Variants in DERA observed in about 807,000 individuals in gnomAD.
The protein encoded by DERA is 2-deoxy-D-ribose 5-phosphate aldolase.
DERA carries 15 observed loss-of-function variants against 41.1 expected under a neutral mutation model. The ratio of observed to expected loss-of-function variants is 0.37; its 90% CI spans 0.24 to 0.56. The LOEUF is 0.56. Among genes scored for constraint, DERA ranks in the 20% least tolerant of loss-of-function variants. The pLI is 0.81. For synonymous variants in DERA, 139 were observed against 137.4 expected (o/e 1.01, Z -0.08); for missense variants, 396 against 403.4 (o/e 0.98, Z 0.16).
intron 7 of DERA, 88 bp downstream of exon 7, chr12:16,032,742 G>T (rs1197939920): frequency 2.4e-6 from 2 of 818,174 alleles, no homozygotes; most frequent in Non-Finnish European, 4.0e-6. Context: ...TCTTTATATG[G>T]AGAAGTTGTG....
In DERA at chr12:16,010,505, T is replaced by G. The variant is rs764525686; in HGVS notation, c.638-22037T>G. ...TTCCCCTTTGCCAGCATATACTGCT[T>G]TTGTTGAGGAATCAAGGTCTCCGGT... On this transcript the variant is annotated intron_variant, in intron 6 of 8. Coordinates refer to ENST00000428559, the MANE Select transcript of DERA (RefSeq NM_015954.4). This position sits in a 1 kb window ranked among gnomAD's most constrained non-coding sequence, Gnocchi z 5.5. 1.3e-5 allele frequency among the ~76,000 whole-genome samples: 2 copies of G among 151,918 alleles called. No individual in the cohort carries two copies. Among genetic ancestry groups the G allele is most frequent in the Non-Finnish European group, 2.9e-5 (2 of 67,986 alleles).
In DERA at chr12:16,010,641, T is replaced by C. The variant is rs1190371803; in HGVS notation, c.638-21901T>C. Among the ~76,000 whole-genome samples the C allele has an allele frequency of 6.6e-6, 1 of 152,024 alleles. No individual in the cohort carries two copies. Among genetic ancestry groups the C allele is most frequent in the Non-Finnish European group, 1.5e-5 (1 of 68,004 alleles). On this transcript the variant is annotated intron_variant, in intron 6 of 8. Coordinates refer to ENST00000428559, the MANE Select transcript of DERA (RefSeq NM_015954.4). This position sits in a 1 kb window ranked among gnomAD's most constrained non-coding sequence, Gnocchi z 5.5. The stretch of plus-strand genomic sequence containing the variant: ...TATGAACAGAAGGAGAGAGGCTGCA[T>C]TGTCTCTATAAGTGGTTAGTAAGTG...
At position 16,004,359 on chromosome 12, in the gene DERA, G is replaced by GA. The variant is rs1948895750; in HGVS notation, c.637+21928dup. Among the ~76,000 whole-genome samples the GA allele has an allele frequency of 2.0e-5, 3 of 146,912 alleles. No individual in the cohort carries two copies. In the East Asian group the frequency reaches 6.0e-4, roughly 29 times the overall value. On this transcript the variant is annotated intron_variant, in intron 6 of 8. Transcript: ENST00000428559. This position sits in a 1 kb window ranked among gnomAD's most constrained non-coding sequence, Gnocchi z 4.2. ...AAAGGAACCACTGCAGAAAAGAAAA[G>GA]AAAAACCCAACTCCTCCTTAACAAT... is the stretch of plus-strand genomic sequence containing the variant.
chr12:15,972,615 G>A lies in DERA; in HGVS notation c.508+9668G>A, dbSNP rs1403797891. ...ATGATGTGTCCCAGGGGCATTTCAC[G>A]CATAGTGCAGAAGTCGGGGACCTCC... On this transcript the variant is annotated intron_variant, in intron 5 of 8. Coordinates refer to ENST00000428559, the MANE Select transcript of DERA (RefSeq NM_015954.4). This position sits in a 1 kb window ranked among gnomAD's most constrained non-coding sequence, Gnocchi z 4.4. 2.2e-5 allele frequency: 4 copies of A among 180,324 alleles called. No homozygotes were observed. Among genetic ancestry groups the A allele is most frequent in the Admixed American group, 1.1e-4 (2 of 18,418 alleles). 11.2% of individuals were successfully genotyped at this position (180,324 alleles called of 1,614,324 possible).
At chr12:15,948,077 T>C (rs536434458) in intron 1 of DERA, among the ~76,000 whole-genome samples, 1 of 152,362 alleles carries the variant, frequency 6.6e-6, no homozygotes, top group South Asian at 2.1e-4. Context: ...GATCAACTGT[T>C]TGTCTGATGG....
Position 15,998,025 on chromosome 12 carries a change from G to C in DERA, c.637+15589G>C, listed in dbSNP as rs1274600717. Among the ~76,000 whole-genome samples the C allele has an allele frequency of 6.6e-6, 1 of 152,184 alleles. No individual in the cohort carries two copies. The highest frequency in any genetic ancestry group is 1.5e-5 in the Non-Finnish European group (1 of 68,036). ...AGATCCAGAAAGGTCAAATTCATAA[G>C]AAATTTGCCCGAGGACAAATAACTA... On this transcript the variant is annotated intron_variant, in intron 6 of 8. Coordinates refer to ENST00000428559, the MANE Select transcript of DERA (RefSeq NM_015954.4). This position sits in a 1 kb window ranked among gnomAD's most constrained non-coding sequence, Gnocchi z 4.8.
chr12:16,007,694 G>A (rs1187831360), intron 6 of DERA, among the ~76,000 whole-genome samples: 2 of 152,102 alleles, frequency 1.3e-5, no homozygotes, highest in African/African-American at 2.4e-5. Context: ...ATGAAGGGCA[G>A]GCACATAGAA....
chr12:15,930,326 A>G (rs1312899004), intron 1 of DERA, among the ~76,000 whole-genome samples: 2 of 152,180 alleles, frequency 1.3e-5, no homozygotes, highest in African/African-American at 2.4e-5. Flanking sequence ...CACGTATTCA[A>G]TACCTTTATG....
At chr12:15,944,617 T>A (rs1948433140) in intron 1 of DERA, among the ~76,000 whole-genome samples, 1 of 152,242 alleles carries the variant, frequency 6.6e-6, no homozygotes, top group Non-Finnish European at 1.5e-5. Context: ...TCTTTGTATA[T>A]TCTGGATATT....
chr12:16,002,458 CCTTT>C (rs1948882112), intron 6 of DERA, among the ~76,000 whole-genome samples: 1 of 151,766 alleles, frequency 6.6e-6, no homozygotes, highest in Non-Finnish European at 1.5e-5. Flanking sequence ...CTTTTTCTCT[CCTTT>C]CTTTTTTTAA....
At chr12:15,955,690 T>G (rs550522070) in intron 1 of DERA, among the ~76,000 whole-genome samples, 8 of 152,334 alleles carry the variant, frequency 5.3e-5, no homozygotes, top group African/African-American at 1.9e-4. Flanking sequence ...CCTTGCAATC[T>G]CTATACCTTT....
chr12:16,034,105 C>T (rs575685815), intron 7 of DERA, among the ~76,000 whole-genome samples: 10 of 152,296 alleles, frequency 6.6e-5, no homozygotes, highest in African/African-American at 2.2e-4. Flanking sequence ...CTTACAGATG[C>T]CTGGGCCCCC....
At chr12:15,917,215 A>G (rs981074764) in intron 1 of DERA, among the ~76,000 whole-genome samples, 3 of 152,202 alleles carry the variant, frequency 2.0e-5, no homozygotes, top group Non-Finnish European at 4.4e-5. Flanking sequence ...AAACAAAAAC[A>G]AAAAACTAAA....
chr12:15,964,300 T>C (rs1948608299), intron 5 of DERA, among the ~76,000 whole-genome samples: 1 of 152,122 alleles, frequency 6.6e-6, no homozygotes, highest in East Asian at 1.9e-4. Context: ...AGCTGGAAAA[T>C]AGAGTTTTTA....
chr12:15,911,688 T>C lies in DERA; in HGVS notation c.31+274T>C, dbSNP rs1179462156. 7.4e-6 allele frequency: 5 copies of C among 672,816 alleles called. No individual in the cohort carries two copies. The highest frequency in any genetic ancestry group is 1.4e-5 in the Non-Finnish European group (5 of 366,502). The allele number at this position is 672,816 out of a possible 1,614,324, so 41.7% of individuals were successfully genotyped here. On this transcript the variant is annotated intron_variant, in intron 1 of 8. Coordinates refer to ENST00000428559, the MANE Select transcript of DERA (RefSeq NM_015954.4). This position sits in a 1 kb window ranked among gnomAD's most constrained non-coding sequence, Gnocchi z 4.5. ...TATCTTCCTGCCTTTTCGTTCACTCTAGCTCGCTGGTTGGAAAACCCAACA... is the reference window on the plus strand; with the variant it reads ...TATCTTCCTGCCTTTTCGTTCACTCCAGCTCGCTGGTTGGAAAACCCAACA...
chr12:15,966,501 ATTTG>A lies in DERA; in HGVS notation c.508+3560_508+3563del, dbSNP rs1409687003. Among the ~76,000 whole-genome samples, 2 of 151,942 alleles carry A rather than the reference ATTTG, an allele frequency of 1.3e-5. No homozygotes were observed. Among genetic ancestry groups the A allele is most frequent in the African/African-American group, 4.8e-5 (2 of 41,374 alleles). ...AAGAATTCTGCAAAGAGTTATATTT[ATTTG>A]TTTGTCTTGAGAAGTTCAAACTAAT... On this transcript the variant is annotated intron_variant, in intron 5 of 8. Coordinates refer to ENST00000428559, the MANE Select transcript of DERA (RefSeq NM_015954.4). This position sits in a 1 kb window ranked among gnomAD's most constrained non-coding sequence, Gnocchi z 5.1.
rs999572332 is a variant in DERA, at chr12:15,966,079, A to G, written c.508+3132A>G. Among the ~76,000 whole-genome samples the G allele has an allele frequency of 1.3e-5, 2 of 151,978 alleles. No homozygotes were observed. The highest frequency in any genetic ancestry group is 2.1e-4 in the South Asian group (1 of 4,814). On this transcript the variant is annotated intron_variant, in intron 5 of 8. Transcript: ENST00000428559. This position sits in a 1 kb window ranked among gnomAD's most constrained non-coding sequence, Gnocchi z 5.1. ...CGTCCTCCTTTCTTCTCTTCCCTTC[A>G]TGACTAAAATTCTGAAAAGAAGGCC...
intron 6 of DERA, among the ~76,000 whole-genome samples, chr12:16,002,273 A>T (rs1255439349): frequency 1.3e-5 from 2 of 152,008 alleles, no homozygotes; most frequent in East Asian, 3.9e-4. Flanking sequence ...GGTTATTCTA[A>T]ACTCTAAATT....
intron 1 of DERA, among the ~76,000 whole-genome samples, chr12:15,930,231 T>C (rs1360521072): frequency 6.6e-6 from 1 of 152,222 alleles, no homozygotes; most frequent in South Asian, 2.1e-4. Flanking sequence ...GAATATAACA[T>C]GAGGTTGTGA....
Sources: gnomAD v4.1 joint callset for allele counts (sites outside exome capture counted in the v4.1 genomes callset) on GRCh38, gnomAD v4.1.1 for gene constraint, Gnocchi (gnomAD v3.1) non-coding constraint, MANE v1.5 for transcripts, NCBI Gene and HGNC (gene_info 2026-07-23, HGNC 2026-07-21) for gene names.